Variants in COPA observed in about 807,000 individuals in gnomAD.
COPA encodes coat protein complex I subunit alpha, also known as coatomer subunit alpha.
Under a neutral mutation model 158.7 loss-of-function variants are expected in COPA, and 10 were observed. The observed-to-expected ratio is 0.06, with a 90% CI of 0.04 to 0.11. The LOEUF (loss-of-function observed/expected upper bound fraction) is 0.11. COPA is among the 10% of genes least tolerant of loss of function. COPA has a pLI of 1.00. For synonymous variants in COPA, 462 were observed against 542.8 expected (o/e 0.85, Z 2.07); for missense variants, 1,065 against 1,536.7 (o/e 0.69, Z 5.13).
intron 1 of COPA, 29 bp downstream of exon 1, chr1:160,343,102 T>G (rs938044243): frequency 6.2e-7 from 1 of 1,613,850 alleles, no homozygotes; most frequent in African/African-American, 1.3e-5. Context: ...ACATCCAACC[T>G]CCATGTTCCC....
At chr1:160,302,448 T>TA (rs1243452214) in intron 17 of COPA, among the ~76,000 whole-genome samples, 1 of 151,842 alleles carries the variant, frequency 6.6e-6, no homozygotes, top group Non-Finnish European at 1.5e-5. Flanking sequence ...CTGAACACTG[T>TA]AAGGACTGTA....
At chr1:160,294,932 T>G (rs1557860924) in intron 23 of COPA, 75 bp from the exon 24 acceptor site, 1 of 1,258,926 alleles carries the variant, frequency 7.9e-7, no homozygotes. Flanking sequence ...TGTAGGCAGG[T>G]TAAATCCTTT....
At chr1:160,296,301 T>C in intron 21 of COPA, 152 bp from the exon 22 acceptor site, 1 of 638,052 alleles carries the variant, frequency 1.6e-6, no homozygotes, top group South Asian at 1.9e-5. Context: ...CTGGATTTAT[T>C]AAATAGCTTC....
chr1:160,310,283 G>A (rs1426896432), intron 11 of COPA, 25 bp from the exon 12 acceptor site: 4 of 1,464,242 alleles, frequency 2.7e-6, no homozygotes, highest in Non-Finnish European at 3.8e-6. Flanking sequence ...AGAAAAAGGA[G>A]AAAACAGGGA....
chr1:160,305,349 G>C, intron 17 of COPA, 84 bp downstream of exon 17: 1 of 1,381,194 alleles, frequency 7.2e-7, no homozygotes. Flanking sequence ...AAAATTCATG[G>C]AGGACTTCAG....
At position 160,291,362 on chromosome 1, in the gene COPA, G is replaced by A. The variant is rs200623238; in HGVS notation, c.3393C>T (p.Leu1131=). 27 of 1,613,864 alleles carry A rather than the reference G, an allele frequency of 1.7e-5. No homozygotes were observed. The highest frequency in any genetic ancestry group is 2.2e-5 in the East Asian group (1 of 44,882). ...GTTGGGCCACCTCAGGCTTGGGCCC[G>A]AGTTCTAGTAGGCGCCGAGCAAAGG... ...AATFARRLLE[L]GPKPEVAQQT... The change falls in exon 31 of 33, where the codon CTC becomes CTT. Residue 1131 remains leucine (L), a synonymous_variant. Transcript: ENST00000241704.
chr1:160,332,384 T>C (rs1286662692), intron 6 of COPA, 64 bp downstream of exon 6: 2 of 1,092,198 alleles, frequency 1.8e-6, no homozygotes, highest in East Asian at 4.8e-5. Context: ...CTCCTCACTA[T>C]TTTAAGCAAT....
chr1:160,335,636 C>G (rs918895224), intron 3 of COPA, among the ~76,000 whole-genome samples: 2 of 152,040 alleles, frequency 1.3e-5, no homozygotes, highest in African/African-American at 4.8e-5. Flanking sequence ...GTAATCCCAG[C>G]ACTTTGGGAG....
intron 21 of COPA, among the ~76,000 whole-genome samples, chr1:160,296,890 G>A (rs999344559): frequency 1.3e-5 from 2 of 152,038 alleles, no homozygotes; most frequent in Admixed American, 1.3e-4. Context: ...CACTAATAGC[G>A]CCTTGGTCCA....
In COPA at chr1:160,307,198, G is replaced by A. The variant is rs1191727728; in HGVS notation, c.1267C>T (p.Arg423Ter). 1 of 1,614,152 alleles carries A rather than the reference G, an allele frequency of 6.2e-7. No homozygotes were observed. The highest frequency in any genetic ancestry group is 2.2e-5 in the East Asian group (1 of 44,886). ...SSGLTAVWVA[R>*]NRFAVLDRMH... Reference sequence around the variant, plus strand: ...CGATCTAGGACAGCAAACCGATTTCGAGCGACCCAAACGGCTGTCAGGCCT... The same window carrying A: ...CGATCTAGGACAGCAAACCGATTTCAAGCGACCCAAACGGCTGTCAGGCCT... The change falls in exon 14 of 33, where the codon CGA becomes TGA. Residue 423 changes from arginine to a stop codon, truncating the protein, a stop_gained. Transcript: ENST00000241704. LOFTEE classifies it high-confidence loss of function.
At chr1:160,338,403 G>A (rs1479749626) in intron 3 of COPA, among the ~76,000 whole-genome samples, 2 of 152,106 alleles carry the variant, frequency 1.3e-5, no homozygotes, top group East Asian at 3.8e-4. Flanking sequence ...CCTAAGTTCT[G>A]CGGTATAATC....
chr1:160,309,997 G>A (rs1658912609), intron 12 of COPA, among the ~76,000 whole-genome samples, 195 bp downstream of exon 12: 1 of 152,064 alleles, frequency 6.6e-6, no homozygotes, highest in Non-Finnish European at 1.5e-5. Flanking sequence ...AGGAAAGATA[G>A]GCAGTTCACA....
At chr1:160,325,070 T>C (rs1659447277) in intron 7 of COPA, among the ~76,000 whole-genome samples, 1 of 151,896 alleles carries the variant, frequency 6.6e-6, no homozygotes, top group African/African-American at 2.4e-5. Context: ...TAAATCTCTT[T>C]TTTTTTTTTG....
Position 160,307,201 on chromosome 1 carries a change from C to T in COPA, c.1264G>A (p.Ala422Thr), listed in dbSNP as rs760363546. The change falls in exon 14 of 33, where the codon GCT becomes ACT. Residue 422 changes from alanine to threonine, a missense_variant. Around this residue, in one of 2 missense-constraint regions of COPA, gnomAD observed 980 missense variants for 1,357.8 expected, o/e 0.72. Coordinates refer to ENST00000241704, the MANE Select transcript of COPA (RefSeq NM_004371.4). The stretch of plus-strand genomic sequence containing the variant: ...TCTAGGACAGCAAACCGATTTCGAG[C>T]GACCCAAACGGCTGTCAGGCCTGAG... ...RSSGLTAVWV[A>T]RNRFAVLDRM... 3 of 1,614,052 alleles carry T rather than the reference C, an allele frequency of 1.9e-6. No individual in the cohort carries two copies. Among genetic ancestry groups the T allele is most frequent in the African/African-American group, 1.3e-5 (1 of 74,938 alleles).
chr1:160,302,386 A>G (rs1658639764), intron 17 of COPA, among the ~76,000 whole-genome samples: 1 of 152,130 alleles, frequency 6.6e-6, no homozygotes, highest in Non-Finnish European at 1.5e-5. Context: ...AGGATGTTTC[A>G]GAAGACCTAA....
chr1:160,322,137 G>C (rs1291166007), intron 8 of COPA, among the ~76,000 whole-genome samples: 5 of 152,016 alleles, frequency 3.3e-5, no homozygotes, highest in Non-Finnish European at 7.4e-5. Flanking sequence ...CAGCACAAAA[G>C]ACCCCAAATA....
chr1:160,329,258 C>T (rs1293116014), intron 6 of COPA, among the ~76,000 whole-genome samples: 1 of 152,184 alleles, frequency 6.6e-6, no homozygotes, highest in Non-Finnish European at 1.5e-5. Flanking sequence ...AAGAACAACA[C>T]TTAGAAATGG....
intron 23 of COPA, among the ~76,000 whole-genome samples, chr1:160,295,185 T>C (rs969802039): frequency 1.7e-4 from 26 of 152,120 alleles, no homozygotes; most frequent in African/African-American, 5.6e-4. Flanking sequence ...ACCACTACAA[T>C]GTGTACAGGG....
intron 11 of COPA, chr1:160,310,627 T>C (rs1224491446): frequency 6.4e-6 from 1 of 156,346 alleles, no homozygotes; most frequent in Non-Finnish European, 1.4e-5. Flanking sequence ...GGCTGGTTTC[T>C]CCTGTCCCTT....
Sources: allele counts gnomAD v4.1 joint callset (sites outside exome capture counted in the v4.1 genomes callset), GRCh38; gene constraint gnomAD v4.1.1; regional missense constraint gnomAD v4.1.1; transcripts MANE v1.5; gene names NCBI Gene and HGNC (gene_info 2026-07-23, HGNC 2026-07-21).